The following MME variants were observed in gnomAD, a reference collection of about 807,000 sequenced individuals.
MME encodes the protein membrane metalloendopeptidase.
A neutral mutation model predicts 113.2 loss-of-function variants in MME; 98 were observed. The ratio of observed to expected loss-of-function variants is 0.87; its 90% CI spans 0.74 to 1.02. The LOEUF (loss-of-function observed/expected upper bound fraction) is 1.02. MME is among the 50% of genes least tolerant of loss of function. MME has a pLI of 0.00. For synonymous variants in MME, 292 were observed against 300.6 expected (o/e 0.97, Z 0.30); for missense variants, 836 against 896.0 (o/e 0.93, Z 0.86).
chr3:155,084,573 A>T (rs1715489770), intron 2 of MME, among the ~76,000 whole-genome samples: 1 of 152,254 alleles, frequency 6.6e-6, no homozygotes, highest in Admixed American at 6.5e-5. Flanking sequence ...CTTATGAGGA[A>T]TCTAAAGTAT....
At chr3:155,113,893 G>A (rs572295130) in intron 3 of MME, among the ~76,000 whole-genome samples, 34 of 152,180 alleles carry the variant, frequency 2.2e-4, no homozygotes, top group African/African-American at 5.3e-4. Flanking sequence ...AGTCCTGAGC[G>A]TTTTGTTTTA....
At chr3:155,146,153 A>G (rs1168507947) in intron 14 of MME, among the ~76,000 whole-genome samples, 5 of 152,220 alleles carry the variant, frequency 3.3e-5, no homozygotes, top group Non-Finnish European at 7.3e-5. Context: ...AGAAATAACA[A>G]GTAGTAAACA....
chr3:155,076,179 C>T (rs1157599933), upstream of MME, among the ~76,000 whole-genome samples: 1 of 152,152 alleles, frequency 6.6e-6, no homozygotes, highest in Non-Finnish European at 1.5e-5. Context: ...TTCCTACATC[C>T]ATTTGAAGTC....
chr3:155,043,958 A>G (rs969547621), intron 1 of MME, among the ~76,000 whole-genome samples: 4 of 152,074 alleles, frequency 2.6e-5, no homozygotes, highest in African/African-American at 9.7e-5. Context: ...TTTAGCATTA[A>G]TTGCTAGCTT....
At chr3:155,049,717 G>T (rs1713694479) in intron 1 of MME, among the ~76,000 whole-genome samples, 1 of 151,944 alleles carries the variant, frequency 6.6e-6, no homozygotes, top group Admixed American at 6.6e-5. Flanking sequence ...ATAAGTAAAA[G>T]GATGTTTCTG....
chr3:155,070,607 C>T (rs1714519096), intron 1 of MME, among the ~76,000 whole-genome samples: 1 of 152,236 alleles, frequency 6.6e-6, no homozygotes, highest in South Asian at 2.1e-4. Flanking sequence ...ATAAATAAAG[C>T]ATGGAACATA....
At chr3:155,108,136 C>T (rs554897064) in intron 3 of MME, among the ~76,000 whole-genome samples, 1 of 152,254 alleles carries the variant, frequency 6.6e-6, no homozygotes, top group Non-Finnish European at 1.5e-5. Flanking sequence ...CTTGTATTTC[C>T]CCTAGGGTCA....
At chr3:155,154,824 A>T (rs1396442586) in intron 16 of MME, among the ~76,000 whole-genome samples, 1 of 152,208 alleles carries the variant, frequency 6.6e-6, no homozygotes, top group Admixed American at 6.5e-5. Context: ...GGGCAGGCGG[A>T]GCACCGGACA....
At chr3:155,131,720 C>G (rs1409462321) in intron 8 of MME, among the ~76,000 whole-genome samples, 1 of 152,142 alleles carries the variant, frequency 6.6e-6, no homozygotes, top group Non-Finnish European at 1.5e-5. Context: ...CCACGTTCCT[C>G]CTGCTCTAGC....
chr3:155,054,319 C>T (rs1489747913), intron 1 of MME, among the ~76,000 whole-genome samples: 1 of 151,884 alleles, frequency 6.6e-6, no homozygotes, highest in East Asian at 1.9e-4. Flanking sequence ...TCTATTAAGA[C>T]CTTCTGTTTG....
rs1713015320 is a variant in MME at position 155,180,788 on chromosome 3, T to G, written c.*329T>G. 3.5e-6 allele frequency: 1 copy of G among 289,480 alleles called. No individual in the cohort carries two copies. Among genetic ancestry groups the G allele is most frequent in the African/African-American group, 2.2e-5 (1 of 46,224 alleles). 17.9% of individuals were successfully genotyped at this position (289,480 alleles called of 1,614,324 possible). On this transcript the variant is annotated 3_prime_UTR_variant, in exon 23 of 23. Coordinates refer to ENST00000360490, the MANE Select transcript of MME (RefSeq NM_007289.4). ...AGAAAACAATGCAAAACCTTTGAGG[T>G]AGACCAGGATTTCTAATCAAAAGGG... is the stretch of plus-strand genomic sequence containing the variant.
chr3:155,051,377 G>A (rs1375678122), intron 1 of MME, among the ~76,000 whole-genome samples: 2 of 152,172 alleles, frequency 1.3e-5, no homozygotes. Flanking sequence ...GAAACACTAT[G>A]TGATAGTTTA....
chr3:155,127,581 G>T lies in MME; in HGVS notation c.720+8770G>T, dbSNP rs553014216. ...TAAAACTTGGTTGGCAGAGAGGAAG[G>T]TCGTATCATTTAAAAGATGAGGAGT... On this transcript the variant is annotated intron_variant, in intron 8 of 22. Coordinates refer to ENST00000360490, the MANE Select transcript of MME (RefSeq NM_007289.4). 2.0e-4 allele frequency among the ~76,000 whole-genome samples: 30 copies of T among 152,318 alleles called. 1 individual carries two copies. The highest frequency in any genetic ancestry group is 1.9e-3 in the East Asian group (10 of 5,186).
At chr3:155,151,520 C>T (rs1721928948) in intron 16 of MME, among the ~76,000 whole-genome samples, 1 of 152,164 alleles carries the variant, frequency 6.6e-6, no homozygotes, top group Non-Finnish European at 1.5e-5. Flanking sequence ...GTATTTGACT[C>T]AGATCCATTT....
intron 13 of MME, among the ~76,000 whole-genome samples, chr3:155,143,967 G>A (rs1296149948): frequency 6.6e-6 from 1 of 152,082 alleles, no homozygotes; most frequent in Admixed American, 6.6e-5. Flanking sequence ...ATTTTTCATT[G>A]TTAGGAAAAT....
intron 8 of MME, among the ~76,000 whole-genome samples, chr3:155,137,458 G>A (rs1177648723): frequency 6.6e-6 from 1 of 152,206 alleles, no homozygotes. Context: ...TGTAATCCCA[G>A]CACTTTGGGA....
chr3:155,171,249 C>A (rs1711915133), intron 20 of MME, among the ~76,000 whole-genome samples: 1 of 152,160 alleles, frequency 6.6e-6, no homozygotes, highest in Non-Finnish European at 1.5e-5. Context: ...TGCCCCCCTG[C>A]TAGATTGCGA....
chr3:155,055,868 C>T (rs1713908721), intron 1 of MME, among the ~76,000 whole-genome samples: 1 of 152,166 alleles, frequency 6.6e-6, no homozygotes, highest in South Asian at 2.1e-4. Context: ...TATGACTCAA[C>T]ATTATAGGGT....
At chr3:155,145,035 A>G (rs1016108347) in intron 14 of MME, among the ~76,000 whole-genome samples, 3 of 152,178 alleles carry the variant, frequency 2.0e-5, no homozygotes, top group African/African-American at 7.2e-5. Context: ...ACAATAATAA[A>G]TGTATTTTAA....
Sources: allele counts gnomAD v4.1 joint callset (sites outside exome capture counted in the v4.1 genomes callset), GRCh38; gene constraint gnomAD v4.1.1; transcripts MANE v1.5; gene names NCBI Gene and HGNC (gene_info 2026-07-23, HGNC 2026-07-21).